The following DHRSX variants were observed in gnomAD, a reference collection of about 807,000 sequenced individuals.
DHRSX encodes the protein polyprenol dehydrogenase.
A neutral mutation model predicts 34.0 loss-of-function variants in DHRSX; 31 were observed. The ratio of observed to expected loss-of-function variants is 0.91; its 90% CI spans 0.69 to 1.23. The LOEUF is 1.23. DHRSX is among the 50% of genes most tolerant of loss of function. DHRSX has a pLI of 0.00. For missense variants in DHRSX, 414 were observed against 428.1 expected, an observed-to-expected ratio of 0.97 and a Z score of 0.29; for synonymous variants, 201 against 183.8, an observed-to-expected ratio of 1.09 and a Z score of -0.76.
intron 1 of DHRSX, among the ~76,000 whole-genome samples, chrX:2,484,637 C>T (rs2044833542): frequency 6.6e-6 from 1 of 152,120 alleles, no homozygotes; most frequent in African/African-American, 2.4e-5. Flanking sequence ...CTCTGTTCAC[C>T]AGGCAGGGGC....
At chrX:2,398,363 G>A (rs2043440146) in intron 3 of DHRSX, among the ~76,000 whole-genome samples, 1 of 152,112 alleles carries the variant, frequency 6.6e-6, no homozygotes, top group Non-Finnish European at 1.5e-5. Context: ...GGAAATATGA[G>A]ACTATGAGTT....
intron 1 of DHRSX, among the ~76,000 whole-genome samples, chrX:2,480,086 C>T (rs2044746572): frequency 6.6e-6 from 1 of 152,030 alleles, no homozygotes; most frequent in Non-Finnish European, 1.5e-5. Flanking sequence ...GCCAACACTA[C>T]TAACAGTTTC....
At chrX:2,485,028 T>A (rs1221410528) in intron 1 of DHRSX, among the ~76,000 whole-genome samples, 2 of 152,158 alleles carry the variant, frequency 1.3e-5, no homozygotes, top group Non-Finnish European at 2.9e-5. Context: ...GGAAAACAGT[T>A]CGAAGCAGGC....
intron 1 of DHRSX, among the ~76,000 whole-genome samples, chrX:2,486,173 C>G (rs2044923498): frequency 6.6e-6 from 1 of 152,108 alleles, no homozygotes; most frequent in Non-Finnish European, 1.5e-5. Context: ...CCGGGGAACA[C>G]TTTCACCAGC....
intron 1 of DHRSX, among the ~76,000 whole-genome samples, chrX:2,444,764 G>A (rs1314071509): frequency 3.3e-5 from 5 of 152,054 alleles, no homozygotes; most frequent in Non-Finnish European, 2.9e-5. Flanking sequence ...GAGTCCAGGA[G>A]GTCAAAGCTG....
chrX:2,252,246 A>G (rs1158483547), intron 5 of DHRSX, among the ~76,000 whole-genome samples: 1 of 152,136 alleles, frequency 6.6e-6, no homozygotes, highest in African/African-American at 2.4e-5. Flanking sequence ...TCAAAAATAA[A>G]TAAATAAAAA....
chrX:2,302,150 G>T (rs1037831917), intron 3 of DHRSX, among the ~76,000 whole-genome samples: 5 of 152,090 alleles, frequency 3.3e-5, no homozygotes, highest in African/African-American at 1.2e-4. Context: ...GCAGCCAAAA[G>T]TGCTCCTGAC....
intron 1 of DHRSX, among the ~76,000 whole-genome samples, chrX:2,442,607 A>T (rs2044077529): frequency 6.6e-6 from 1 of 151,894 alleles, no homozygotes; most frequent in Admixed American, 6.6e-5. Context: ...TGTGCCTGAG[A>T]TCATACCCTT....
intron 1 of DHRSX, among the ~76,000 whole-genome samples, chrX:2,443,799 T>G (rs771998371): frequency 9.5e-4 from 145 of 151,868 alleles, no homozygotes; most frequent in Non-Finnish European, 1.6e-3. Context: ...GAGGTCAGGA[T>G]ATCGAGACCA....
At chrX:2,238,895 G>A (rs1443866676) in intron 6 of DHRSX, among the ~76,000 whole-genome samples, 6 of 151,772 alleles carry the variant, frequency 4.0e-5, no homozygotes. Context: ...GATCTTCCAA[G>A]TCTTAATATA....
chrX:2,385,136 G>A (rs780592863), intron 3 of DHRSX, among the ~76,000 whole-genome samples: 2 of 70,902 alleles, frequency 2.8e-5, no homozygotes, highest in African/African-American at 8.6e-5. Flanking sequence ...GTGTGTGTGT[G>A]TATGTGTATA....
At chrX:2,493,933 T>C (rs972775495) in intron 1 of DHRSX, among the ~76,000 whole-genome samples, 17 of 152,036 alleles carry the variant, frequency 1.1e-4, no homozygotes, top group Middle Eastern at 3.2e-3. Flanking sequence ...GATGGCGCCA[T>C]TGCACTGTAG....
rs2015582908 is a variant in DHRSX at position 2,224,169 on chromosome X, AT to A, written c.805-2941del. 3.9e-5 allele frequency among the ~76,000 whole-genome samples: 6 copies of A among 152,338 alleles called. No individual in the cohort carries two copies. In the East Asian group the frequency reaches 1.2e-3, roughly 29 times the overall value. ...ATTGACACTGAGGATTCAGGGGCTC[AT>A]GCCCCAAATACCCGACCTGTGTCTT... is the stretch of plus-strand genomic sequence containing the variant. On this transcript the variant is annotated intron_variant, in intron 6 of 6. Transcript: ENST00000334651.
intron 5 of DHRSX, among the ~76,000 whole-genome samples, chrX:2,251,753 T>C (rs146547358): frequency 0.021 from 3,224 of 152,242 alleles, 113 homozygotes; most frequent in African/African-American, 0.072. Flanking sequence ...GACCTGAGGT[T>C]TACCCGATTT....
At chrX:2,264,840 C>T (rs2041423228) in intron 5 of DHRSX, among the ~76,000 whole-genome samples, 1 of 150,972 alleles carries the variant, frequency 6.6e-6, no homozygotes. Context: ...GAGCACCGTT[C>T]TCAGAGCACC....
intron 3 of DHRSX, among the ~76,000 whole-genome samples, chrX:2,360,442 G>A (rs2042917066): frequency 1.3e-5 from 2 of 152,084 alleles, no homozygotes; most frequent in African/African-American, 4.8e-5. Flanking sequence ...AATGAGCCAG[G>A]TGTGGTGGTG....
In DHRSX at chrX:2,382,672, TCATCAC is replaced by T. The variant is rs2043220216; in HGVS notation, c.286+26067_286+26072del. On this transcript the variant is annotated intron_variant, in intron 3 of 6. Coordinates refer to ENST00000334651, the MANE Select transcript of DHRSX (RefSeq NM_145177.3). ...ATCATCACCACCATCATCACCATCA[TCATCAC>T]CATCACCATCATCACCATCATCACC... is the stretch of plus-strand genomic sequence containing the variant. Among the ~76,000 whole-genome samples, 9 of 76,154 alleles carry T rather than the reference TCATCAC, an allele frequency of 1.2e-4. No homozygotes were observed. The East Asian group carries it at 2.9e-3, about 24-fold the overall frequency. 50.0% of individuals were successfully genotyped at this position (76,154 alleles called of 152,430 possible). A position where few individuals can be genotyped will look rare whatever the true frequency, so the allele number is the denominator to read the frequency against.
intron 1 of DHRSX, among the ~76,000 whole-genome samples, chrX:2,481,540 C>T (rs1315157503): frequency 6.6e-6 from 1 of 151,930 alleles, no homozygotes; most frequent in African/African-American, 2.4e-5. Flanking sequence ...GTGGCAGACA[C>T]CTGTAATCCC....
chrX:2,490,224 T>G (rs759394773), intron 1 of DHRSX: 1 of 1,613,928 alleles, frequency 6.2e-7, no homozygotes, highest in Non-Finnish European at 8.5e-7. Context: ...GAGATGTACT[T>G]CCGGCTGGGC....
Sources: allele counts gnomAD v4.1 joint callset (sites outside exome capture counted in the v4.1 genomes callset), GRCh38; gene constraint gnomAD v4.1.1; transcripts MANE v1.5; gene names NCBI Gene and HGNC (gene_info 2026-07-23, HGNC 2026-07-21).